PRKN: variants seen among roughly 807,000 people sequenced by gnomAD.
PRKN encodes E3 ubiquitin-protein ligase parkin.
PRKN carries 56 observed loss-of-function variants against 59.5 expected under a neutral mutation model. The observed-to-expected ratio is 0.94, with a 90% CI of 0.76 to 1.18. PRKN has a LOEUF of 1.18. PRKN is among the 50% of genes most tolerant of loss of function. The probability of loss-of-function intolerance (pLI) is 0.00; values close to 1 mark genes in which losing one functional copy is unlikely to be tolerated. For missense variants in PRKN, 657 were observed against 596.4 expected (o/e 1.10, Z -1.06); for synonymous variants, 250 against 222.1 (o/e 1.13, Z -1.12).
At chr6:162,074,895 G>C (rs1778755199) in intron 4 of PRKN, among the ~76,000 whole-genome samples, 1 of 152,158 alleles carries the variant, frequency 6.6e-6, no homozygotes, top group Non-Finnish European at 1.5e-5. Context: ...CTTTGCTGTA[G>C]GTACATCACA....
chr6:162,525,634 A>T (rs1051876747), intron 1 of PRKN, among the ~76,000 whole-genome samples: 3 of 152,152 alleles, frequency 2.0e-5, no homozygotes, highest in Non-Finnish European at 2.9e-5. Context: ...TTCCTTCCTT[A>T]ATTAAATGCA....
At chr6:162,029,949 C>T (rs1182961980) in intron 5 of PRKN, among the ~76,000 whole-genome samples, 1 of 152,122 alleles carries the variant, frequency 6.6e-6, no homozygotes, top group African/African-American at 2.4e-5. Context: ...AGCCAACCTT[C>T]TGCTTTAGCC....
chr6:162,305,236 A>G (rs1782167073), intron 2 of PRKN, among the ~76,000 whole-genome samples: 1 of 152,180 alleles, frequency 6.6e-6, no homozygotes, highest in African/African-American at 2.4e-5. Flanking sequence ...TTATGCCCTC[A>G]GTGTCTTTGT....
At chr6:162,195,221 C>T (rs1017511066) in intron 4 of PRKN, among the ~76,000 whole-genome samples, 2 of 152,194 alleles carry the variant, frequency 1.3e-5, no homozygotes, top group Non-Finnish European at 2.9e-5. Context: ...TAAAATAATG[C>T]GTAATGCCTC....
chr6:162,406,646 A>G (rs931704229), intron 2 of PRKN, among the ~76,000 whole-genome samples: 1 of 152,148 alleles, frequency 6.6e-6, no homozygotes, highest in African/African-American at 2.4e-5. Context: ...TGAGGTCAAG[A>G]GTCTAATCAT....
chr6:162,203,288 C>A (rs1260506447), intron 3 of PRKN, among the ~76,000 whole-genome samples: 1 of 152,130 alleles, frequency 6.6e-6, no homozygotes, highest in East Asian at 1.9e-4. Flanking sequence ...ATGCCAATGT[C>A]TGTGCCCTAG....
At chr6:162,689,930 GACCA>G (rs1159218167) in intron 1 of PRKN, among the ~76,000 whole-genome samples, 2 of 152,172 alleles carry the variant, frequency 1.3e-5, no homozygotes, top group Non-Finnish European at 2.9e-5. Context: ...TATGTGGGGT[GACCA>G]ATTTCAGACC....
In PRKN at chr6:161,552,790, TTTG is replaced by T. The variant is rs1562522017; in HGVS notation, c.934-3790_934-3788del. Among the ~76,000 whole-genome samples, 7 of 67,774 alleles carry T rather than the reference TTTG, an allele frequency of 1.0e-4. No homozygotes were observed. Among genetic ancestry groups the T allele is most frequent in the African/African-American group, 2.3e-4 (6 of 26,226 alleles). The allele number at this position is 67,774 out of a possible 152,430, so 44.5% of individuals were successfully genotyped here. A position where few individuals can be genotyped will look rare whatever the true frequency, so the allele number is the denominator to read the frequency against. Reference sequence around the variant, plus strand: ...AAGACACCATGGTTTTGTTGTTGTTTTTGTTTTTTGTTTTTTTTTTTTAGACGG... The same window carrying T: ...AAGACACCATGGTTTTGTTGTTGTTTTTTTTTGTTTTTTTTTTTTAGACGG... On this transcript the variant is annotated intron_variant, in intron 8 of 11. Coordinates refer to ENST00000366898, the MANE Select transcript of PRKN (RefSeq NM_004562.3). This position sits in a 1 kb window ranked among gnomAD's most constrained non-coding sequence, Gnocchi z 4.9.
Position 161,393,109 on chromosome 6 carries a change from T to A in PRKN, c.1084-6232A>T, listed in dbSNP as rs1786591727. ...ATCCCAACATCTCTTTGCTTGAGCT[T>A]TTTTGCATCTACAAAGAAGAAATAA... On this transcript the variant is annotated intron_variant, in intron 9 of 11. Coordinates refer to ENST00000366898, the MANE Select transcript of PRKN (RefSeq NM_004562.3). The surrounding 1 kb of genome is among the most constrained non-coding windows in gnomAD (Gnocchi z 4.7). Among the ~76,000 whole-genome samples the A allele has an allele frequency of 6.6e-6, 1 of 152,120 alleles. No individual in the cohort carries two copies. Among genetic ancestry groups the A allele is most frequent in the African/African-American group, 2.4e-5 (1 of 41,378 alleles).
At chr6:162,051,951 C>T (rs1777663191) in intron 5 of PRKN, among the ~76,000 whole-genome samples, 1 of 152,134 alleles carries the variant, frequency 6.6e-6, no homozygotes, top group East Asian at 1.9e-4. Flanking sequence ...CTATGAGTCC[C>T]CTTATTTGTG....
intron 4 of PRKN, among the ~76,000 whole-genome samples, chr6:162,082,655 G>A (rs982670051): frequency 2.0e-5 from 3 of 151,994 alleles, no homozygotes; most frequent in African/African-American, 7.3e-5. Context: ...CTTCCTCACT[G>A]AGCTCAATCA....
intron 2 of PRKN, among the ~76,000 whole-genome samples, chr6:162,303,131 A>T (rs950596979): frequency 2.5e-5 from 3 of 119,590 alleles, no homozygotes; most frequent in African/African-American, 1.6e-4. Flanking sequence ...TATGGTGTAA[A>T]AAAAATCCAC....
At chr6:161,589,441 G>A (rs1340929129) in intron 7 of PRKN, among the ~76,000 whole-genome samples, 1 of 151,798 alleles carries the variant, frequency 6.6e-6, no homozygotes, top group Non-Finnish European at 1.5e-5. Flanking sequence ...AGGAGTATCT[G>A]TATTCGATGG....
At chr6:162,113,363 T>C (rs1780523814) in intron 4 of PRKN, among the ~76,000 whole-genome samples, 1 of 152,216 alleles carries the variant, frequency 6.6e-6, no homozygotes, top group African/African-American at 2.4e-5. Flanking sequence ...GAAGGTAATG[T>C]CTCCTTTCCC....
At chr6:162,708,392 T>G (rs2128238099) in intron 1 of PRKN, among the ~76,000 whole-genome samples, 1 of 152,322 alleles carries the variant, frequency 6.6e-6, no homozygotes, top group African/African-American at 2.4e-5. Flanking sequence ...TAATTACCAT[T>G]TATAAAGTTA....
chr6:162,221,756 A>G (rs1018641370), intron 3 of PRKN, among the ~76,000 whole-genome samples: 35 of 144,612 alleles, frequency 2.4e-4, no homozygotes, highest in African/African-American at 8.6e-4. Flanking sequence ...GTAAAACTCA[A>G]TAAGTTCAGA....
chr6:162,451,508 T>C (rs1248022996), intron 1 of PRKN, among the ~76,000 whole-genome samples: 1 of 151,962 alleles, frequency 6.6e-6, no homozygotes, highest in Non-Finnish European at 1.5e-5. Flanking sequence ...GCAGATCACT[T>C]GAGCCCAGGA....
intron 6 of PRKN, among the ~76,000 whole-genome samples, chr6:161,834,794 G>T (rs895626937): frequency 3.3e-5 from 5 of 152,220 alleles, no homozygotes; most frequent in Admixed American, 3.3e-4. Flanking sequence ...TGCGATGGGA[G>T]GGGTCCCTCC....
In PRKN at chr6:161,722,013, T is replaced by C. The variant is rs554974805; in HGVS notation, c.871+63759A>G. The stretch of plus-strand genomic sequence containing the variant: ...CTCAGACTCACAGGGAGGGAATCCA[T>C]TGAAAGCACCAATTACTCCTTCTTT... On this transcript the variant is annotated intron_variant, in intron 7 of 11. Transcript: ENST00000366898. 3.3e-5 allele frequency among the ~76,000 whole-genome samples: 5 copies of C among 152,256 alleles called. No individual in the cohort carries two copies. In the East Asian group the frequency reaches 9.7e-4, roughly 29 times the overall value.
Sources: gnomAD v4.1 joint callset for allele counts (sites outside exome capture counted in the v4.1 genomes callset) on GRCh38, gnomAD v4.1.1 for gene constraint, Gnocchi (gnomAD v3.1) non-coding constraint, MANE v1.5 for transcripts, NCBI Gene and HGNC (gene_info 2026-07-23, HGNC 2026-07-21) for gene names.